The following PRPSAP2 variants were observed in gnomAD, a reference collection of about 807,000 sequenced individuals.
The protein encoded by PRPSAP2 is phosphoribosyl pyrophosphate synthase-associated protein 2.
Under a neutral mutation model 40.6 loss-of-function variants are expected in PRPSAP2, and 24 were observed. That is an observed-to-expected ratio of 0.59 (90% confidence interval 0.43 to 0.83). The LOEUF (loss-of-function observed/expected upper bound fraction) is 0.83. PRPSAP2 is among the 40% of genes least tolerant of loss of function. The pLI, the probability that PRPSAP2 is intolerant of heterozygous loss-of-function variation, is 0.00. For synonymous variants in PRPSAP2, 149 were observed against 164.7 expected (o/e 0.90, Z 0.73); for missense variants, 292 against 465.6 (o/e 0.63, Z 3.43).
At chr17:18,896,580 CT>C (rs58391876) in intron 8 of PRPSAP2, among the ~76,000 whole-genome samples, 50 of 104,764 alleles carry the variant, frequency 4.8e-4, no homozygotes, top group East Asian at 3.5e-3. Flanking sequence ...CCAGATTTTC[CT>C]TTTTTTTTTT....
rs892753071 is a variant in PRPSAP2, at chr17:18,879,177, A to G, written c.412+1307A>G. Among the ~76,000 whole-genome samples, 5 of 152,138 alleles carry G rather than the reference A, an allele frequency of 3.3e-5. No homozygotes were observed. In the East Asian group the frequency reaches 5.8e-4, roughly 18 times the overall value. On this transcript the variant is annotated intron_variant, in intron 6 of 11. Transcript: ENST00000268835. ...AAGCCACCATAGCCAGCCTGAATGT[A>G]TATGATTTTAGAAGGTATGTATCAC...
chr17:18,870,149 T>C (rs140016696), intron 4 of PRPSAP2, among the ~76,000 whole-genome samples: 10 of 152,194 alleles, frequency 6.6e-5, no homozygotes, highest in African/African-American at 2.4e-4. Flanking sequence ...TTCAAACATA[T>C]AAAAAAGTTG....
intron 9 of PRPSAP2, among the ~76,000 whole-genome samples, chr17:18,919,655 G>T (rs1389404651): frequency 6.6e-6 from 1 of 152,206 alleles, no homozygotes; most frequent in Non-Finnish European, 1.5e-5. Context: ...GACAGAGTGA[G>T]ACCCTGTCTC....
chr17:18,897,131 T>C (rs1372987911), intron 8 of PRPSAP2, among the ~76,000 whole-genome samples: 4 of 151,160 alleles, frequency 2.6e-5, no homozygotes, highest in Non-Finnish European at 5.9e-5. Context: ...AATTCTCATG[T>C]TTTTTTTGTA....
intron 5 of PRPSAP2, among the ~76,000 whole-genome samples, chr17:18,875,172 T>C (rs928712471): frequency 4.6e-5 from 7 of 152,206 alleles, no homozygotes; most frequent in African/African-American, 1.7e-4. Context: ...CATTGTTCCA[T>C]ACCTGACATA....
chr17:18,883,796 T>C lies in PRPSAP2; in HGVS notation c.528+1113T>C, dbSNP rs2038938048. ...ATAACTTCTTTTTACAGTACTGTAT[T>C]TAAAAGATGGCAGTTTATAGGTTTC... On this transcript the variant is annotated intron_variant, in intron 7 of 11. Transcript: ENST00000268835. 2.6e-5 allele frequency among the ~76,000 whole-genome samples: 4 copies of C among 152,290 alleles called. 1 individual carries two copies. In the South Asian group the frequency reaches 8.3e-4, roughly 32 times the overall value.
intron 5 of PRPSAP2, among the ~76,000 whole-genome samples, chr17:18,877,402 C>T (rs1007777915): frequency 2.0e-5 from 3 of 152,028 alleles, no homozygotes; most frequent in African/African-American, 7.2e-5. Context: ...GGGCCACTGG[C>T]ATGGAAATTT....
At chr17:18,868,088 A>G (rs1449396557) in intron 4 of PRPSAP2, among the ~76,000 whole-genome samples, 1 of 152,174 alleles carries the variant, frequency 6.6e-6, no homozygotes, top group Non-Finnish European at 1.5e-5. Context: ...GTGAAGTGTG[A>G]TCATACCACA....
intron 6 of PRPSAP2, among the ~76,000 whole-genome samples, chr17:18,881,188 ATTT>A (rs371658856): frequency 1.2e-4 from 16 of 129,664 alleles, no homozygotes; most frequent in Middle Eastern, 4.3e-3. Flanking sequence ...AAAAAAAAAA[ATTT>A]TTTTTGAAAA....
chr17:18,900,759 G>A (rs192958978), intron 8 of PRPSAP2, among the ~76,000 whole-genome samples: 1 of 152,094 alleles, frequency 6.6e-6, no homozygotes, highest in African/African-American at 2.4e-5. Flanking sequence ...GGGTGGAAAT[G>A]CTCCCTCCAT....
chr17:18,915,190 A>C (rs1597727784), intron 9 of PRPSAP2, among the ~76,000 whole-genome samples: 1 of 149,802 alleles, frequency 6.7e-6, no homozygotes, highest in South Asian at 2.1e-4. Context: ...ATGTCTGGCT[A>C]ATTTTTGTAT....
intron 9 of PRPSAP2, among the ~76,000 whole-genome samples, chr17:18,918,117 T>C (rs2151964218): frequency 6.6e-6 from 1 of 152,102 alleles, no homozygotes; most frequent in East Asian, 1.9e-4. Flanking sequence ...GGGATAGCCA[T>C]GCACGCAGCT....
chr17:18,905,548 C>T (rs1442532633), intron 8 of PRPSAP2, among the ~76,000 whole-genome samples: 3 of 152,140 alleles, frequency 2.0e-5, no homozygotes, highest in Admixed American at 2.0e-4. Flanking sequence ...AGACTCTGCC[C>T]CATTGTTCTG....
chr17:18,866,578 G>A (rs1484327957), intron 3 of PRPSAP2, among the ~76,000 whole-genome samples: 2 of 151,960 alleles, frequency 1.3e-5, no homozygotes, highest in African/African-American at 2.4e-5. Flanking sequence ...ACATTAACAT[G>A]TATATTATAT....
At chr17:18,884,780 C>T (rs1294693422) in intron 7 of PRPSAP2, among the ~76,000 whole-genome samples, 2 of 152,208 alleles carry the variant, frequency 1.3e-5, no homozygotes, top group Non-Finnish European at 2.9e-5. Context: ...TAGCAACCAG[C>T]CGCATGGAGA....
upstream of PRPSAP2, chr17:18,857,789 G>T (rs900327342): frequency 7.2e-5 from 11 of 152,374 alleles, no homozygotes; most frequent in Admixed American, 3.9e-4. Flanking sequence ...TTCAGATGAG[G>T]AAACAAGCTC....
At chr17:18,890,979 T>C (rs1385980062) in intron 8 of PRPSAP2, among the ~76,000 whole-genome samples, 2 of 152,198 alleles carry the variant, frequency 1.3e-5, no homozygotes, top group African/African-American at 4.8e-5. Context: ...TATATGTCGG[T>C]TGAGAGGATT....
intron 1 of PRPSAP2, among the ~76,000 whole-genome samples, chr17:18,863,456 C>T (rs940100968): frequency 6.6e-6 from 1 of 152,044 alleles, no homozygotes; most frequent in African/African-American, 2.4e-5. Flanking sequence ...ATTTAAGATC[C>T]CTTCCAGAAT....
intron 7 of PRPSAP2, 123 bp downstream of exon 7, chr17:18,882,806 C>T: frequency 1.5e-6 from 1 of 650,274 alleles, no homozygotes; most frequent in East Asian, 2.5e-5. Context: ...TACCATTATA[C>T]TTTATAGCTA....
Sources: gnomAD v4.1 joint callset for allele counts (sites outside exome capture counted in the v4.1 genomes callset) on GRCh38, gnomAD v4.1.1 for gene constraint, MANE v1.5 for transcripts, NCBI Gene and HGNC (gene_info 2026-07-23, HGNC 2026-07-21) for gene names.